The following RNF13 variants were observed in gnomAD, a reference collection of about 807,000 sequenced individuals.
RNF13 encodes E3 ubiquitin-protein ligase RNF13.
Under a neutral mutation model 37.7 loss-of-function variants are expected in RNF13, and 19 were observed. The observed-to-expected ratio is 0.50, with a 90% CI of 0.35 to 0.74. The LOEUF (loss-of-function observed/expected upper bound fraction) is 0.74. Among genes scored for constraint, RNF13 ranks in the 30% least tolerant of loss-of-function variants. RNF13 has a pLI of 0.01. For synonymous variants in RNF13, 144 were observed against 157.8 expected (o/e 0.91, Z 0.65); for missense variants, 375 against 453.0 (o/e 0.83, Z 1.56).
intron 4 of RNF13, among the ~76,000 whole-genome samples, chr3:149,887,840 A>G (rs1245717186): frequency 1.3e-5 from 2 of 152,212 alleles, no homozygotes; most frequent in Admixed American, 6.5e-5. Flanking sequence ...GAAAGCATTC[A>G]GTCTTTTACC....
At chr3:149,944,270 A>G (rs573573172) in intron 8 of RNF13, among the ~76,000 whole-genome samples, 11 of 152,356 alleles carry the variant, frequency 7.2e-5, no homozygotes, top group East Asian at 3.9e-4. Context: ...TAGTGCCTCA[A>G]TAAACATACA....
intron 7 of RNF13, among the ~76,000 whole-genome samples, chr3:149,919,135 C>A (rs978392286): frequency 5.9e-5 from 9 of 151,946 alleles, no homozygotes; most frequent in African/African-American, 2.2e-4. Context: ...TACCATTAAA[C>A]TTTAAAAAAA....
chr3:149,906,123 G>A (rs1330411660), intron 6 of RNF13, among the ~76,000 whole-genome samples: 1 of 151,958 alleles, frequency 6.6e-6, no homozygotes, highest in African/African-American at 2.4e-5. Context: ...TTAATGTAAT[G>A]TTTTCAAGGT....
intron 1 of RNF13, among the ~76,000 whole-genome samples, chr3:149,832,961 A>G (rs922972559): frequency 2.6e-5 from 4 of 152,138 alleles, no homozygotes; most frequent in African/African-American, 9.7e-5. Context: ...AAGAATCAAC[A>G]TCAATTTTTC....
chr3:149,952,097 G>A (rs140478898), intron 8 of RNF13, among the ~76,000 whole-genome samples: 3 of 152,052 alleles, frequency 2.0e-5, no homozygotes, highest in Admixed American at 2.0e-4. Flanking sequence ...AAACTAATTT[G>A]CTGAAAGTTC....
chr3:149,889,185 A>T (rs2108478855), intron 4 of RNF13, among the ~76,000 whole-genome samples: 1 of 150,694 alleles, frequency 6.6e-6, no homozygotes, highest in Admixed American at 6.6e-5. Context: ...GATCCCCCCG[A>T]CTCAGCCTCC....
chr3:149,855,245 G>A (rs1723529691), intron 3 of RNF13, among the ~76,000 whole-genome samples: 2 of 152,152 alleles, frequency 1.3e-5, no homozygotes, highest in African/African-American at 4.8e-5. Flanking sequence ...CTTGAACCCA[G>A]GAAGGTGAGG....
chr3:149,941,545 T>G (rs961364968), intron 8 of RNF13, among the ~76,000 whole-genome samples: 2 of 151,820 alleles, frequency 1.3e-5, no homozygotes, highest in African/African-American at 4.8e-5. Flanking sequence ...TTTTTTTTTT[T>G]TTTTTTACTG....
At chr3:149,844,139 T>C (rs1003868985) in intron 1 of RNF13, among the ~76,000 whole-genome samples, 3 of 152,208 alleles carry the variant, frequency 2.0e-5, no homozygotes, top group African/African-American at 4.8e-5. Flanking sequence ...ATTTTGTAAA[T>C]ATTTGTGTGC....
At chr3:149,824,363 C>T (rs984562290) in intron 1 of RNF13, among the ~76,000 whole-genome samples, 2 of 152,170 alleles carry the variant, frequency 1.3e-5, no homozygotes, top group African/African-American at 2.4e-5. Context: ...GGAAGATTAT[C>T]TGTGTGGGCC....
intron 8 of RNF13, among the ~76,000 whole-genome samples, chr3:149,930,359 A>G (rs1268648358): frequency 6.6e-6 from 1 of 152,236 alleles, no homozygotes; most frequent in Non-Finnish European, 1.5e-5. Context: ...GTATCCAAAA[A>G]AAGAAATTGC....
At chr3:149,834,961 A>G (rs1164862783) in intron 1 of RNF13, among the ~76,000 whole-genome samples, 1 of 152,242 alleles carries the variant, frequency 6.6e-6, no homozygotes, top group Non-Finnish European at 1.5e-5. Context: ...GGAAAACTGA[A>G]TATCTGTATG....
chr3:149,936,506 A>G (rs1719692400), intron 8 of RNF13, among the ~76,000 whole-genome samples: 1 of 151,870 alleles, frequency 6.6e-6, no homozygotes. Context: ...AGTTCTGTCA[A>G]AACCCTCTCA....
At chr3:149,892,930 A>G in intron 4 of RNF13, among the ~76,000 whole-genome samples, 1 of 152,228 alleles carries the variant, frequency 6.6e-6, no homozygotes, top group South Asian at 2.1e-4. Context: ...AGCAATTAAT[A>G]TAGGTACATG....
chr3:149,857,223 A>G (rs140896312), intron 3 of RNF13, among the ~76,000 whole-genome samples: 2 of 152,286 alleles, frequency 1.3e-5, no homozygotes, highest in African/African-American at 4.8e-5. Flanking sequence ...TTTACATTCT[A>G]TTTATATATG....
intron 1 of RNF13, among the ~76,000 whole-genome samples, chr3:149,830,933 T>C (rs1423177766): frequency 6.6e-6 from 1 of 152,204 alleles, no homozygotes; most frequent in African/African-American, 2.4e-5. Flanking sequence ...GGGACCAAGG[T>C]ACAGTTTGGG....
rs546600743 is a variant in RNF13, at chr3:149,826,821, A to G, written c.-17+13468A>G. ...ACCCAGGCTGGAGTGCAGAGGTGCA[A>G]TCTTGTCTCACTGCAACTTCTGCTT... On this transcript the variant is annotated intron_variant, in intron 1 of 9. Coordinates refer to ENST00000392894, the MANE Select transcript of RNF13 (RefSeq NM_183381.3). Among the ~76,000 whole-genome samples, 4 of 152,244 alleles carry G rather than the reference A, an allele frequency of 2.6e-5. No individual in the cohort carries two copies. The South Asian group carries it at 6.2e-4, about 24-fold the overall frequency.
chr3:149,907,173 A>T (rs556109300), intron 6 of RNF13, among the ~76,000 whole-genome samples: 10 of 152,192 alleles, frequency 6.6e-5, no homozygotes, highest in Admixed American at 1.3e-4. Context: ...CTTACTGTTG[A>T]TGGCAGTTTT....
intron 2 of RNF13, among the ~76,000 whole-genome samples, chr3:149,850,940 A>G (rs1373368793): frequency 6.6e-6 from 1 of 152,216 alleles, no homozygotes; most frequent in Non-Finnish European, 1.5e-5. Context: ...TATTGTTGCA[A>G]TGGGAAATCA....
Sources: gnomAD v4.1 joint callset for allele counts (sites outside exome capture counted in the v4.1 genomes callset) on GRCh38, gnomAD v4.1.1 for gene constraint, MANE v1.5 for transcripts, NCBI Gene and HGNC (gene_info 2026-07-23, HGNC 2026-07-21) for gene names.